Variants in PALLD observed in about 807,000 individuals in gnomAD.
PALLD encodes the protein palladin, cytoskeletal associated protein.
PALLD carries 61 observed loss-of-function variants against 123.5 expected under a neutral mutation model. That is an observed-to-expected ratio of 0.49 (90% CI 0.40 to 0.61). The LOEUF (loss-of-function observed/expected upper bound fraction) is 0.61, where lower values mean the gene tolerates loss of function less well. Ranked by LOEUF, PALLD falls within the 20% of genes least tolerant of loss-of-function variation. The pLI is 0.00. For synonymous variants in PALLD, 465 were observed against 496.4 expected (o/e 0.94, Z 0.84); for missense variants, 1,273 against 1,377.0 (o/e 0.92, Z 1.20).
intron 10 of PALLD, among the ~76,000 whole-genome samples, chr4:168,886,214 GCATTAACAAT>G (rs1295811145): frequency 6.6e-6 from 1 of 151,964 alleles, no homozygotes; most frequent in Non-Finnish European, 1.5e-5. Flanking sequence ...ATGTCATCAG[GCATTAACAAT>G]CACTTACCTT....
intron 1 of PALLD, among the ~76,000 whole-genome samples, chr4:168,502,874 A>G (rs13150330): frequency 0.11 from 16,788 of 152,264 alleles, 1,188 homozygotes; most frequent in Non-Finnish European, 0.15. Flanking sequence ...ATTGCAGTCC[A>G]GGCCGGGAGA....
chr4:168,825,402 T>C (rs1341079011), intron 10 of PALLD, among the ~76,000 whole-genome samples: 1 of 152,222 alleles, frequency 6.6e-6, no homozygotes, highest in East Asian at 1.9e-4. Context: ...AGAAAACCTT[T>C]AACTTCAGCA....
chr4:168,508,650 A>G (rs1229875514), intron 1 of PALLD, among the ~76,000 whole-genome samples: 2 of 152,200 alleles, frequency 1.3e-5, no homozygotes, highest in Admixed American at 6.5e-5. Context: ...TCAGGCCATA[A>G]TAAATAAATA....
chr4:168,865,839 C>T (rs1299160479), intron 10 of PALLD, among the ~76,000 whole-genome samples: 1 of 152,266 alleles, frequency 6.6e-6, no homozygotes, highest in African/African-American at 2.4e-5. Context: ...AATAATCCTA[C>T]TATACTGCAA....
intron 2 of PALLD, among the ~76,000 whole-genome samples, chr4:168,611,387 T>C (rs371671097): frequency 3.9e-5 from 6 of 152,360 alleles, no homozygotes; most frequent in Middle Eastern, 3.4e-3. Context: ...TCTCTGATCC[T>C]GTGAGCTATG....
In PALLD at chr4:168,894,850, T is replaced by C. The variant is rs1754773899; in HGVS notation, c.2199+173T>C. ...CAGCTAATTTTTATTGAGCACATAC[T>C]ATGTTAAGTGACTGACAGAATTCTT... is the stretch of plus-strand genomic sequence containing the variant. On this transcript the variant is annotated intron_variant, in intron 12 of 21. Coordinates refer to ENST00000505667, the MANE Select transcript of PALLD (RefSeq NM_001166108.2). The C allele has an allele frequency of 3.0e-6, 3 of 997,628 alleles. No individual in the cohort carries two copies. The Admixed American group carries it at 7.5e-5, about 25-fold the overall frequency. The allele number at this position is 997,628 out of a possible 1,614,324, so 61.8% of individuals were successfully genotyped here.
In PALLD at chr4:168,903,825, C is replaced by G. The variant is rs863224382; in HGVS notation, c.2541C>G (p.Leu847=). ...ATCACTACACCATTCAAAGAGATCT[C>G]GATGGGACCTGCTCCCTCCATACCA... is the stretch of plus-strand genomic sequence containing the variant. ...KSDHYTIQRD[L]DGTCSLHTTA... Residue 847 remains leucine, a synonymous_variant, in exon 15 of 22, where the codon CTC becomes CTG. Coordinates refer to ENST00000505667, the MANE Select transcript of PALLD (RefSeq NM_001166108.2). 2 of 1,612,240 alleles carry G rather than the reference C, an allele frequency of 1.2e-6. No individual in the cohort carries two copies. The highest frequency in any genetic ancestry group is 1.7e-4 in the Middle Eastern group (1 of 6,054).
intron 10 of PALLD, among the ~76,000 whole-genome samples, chr4:168,819,495 C>A (rs1372077446): frequency 1.3e-5 from 2 of 152,186 alleles, no homozygotes; most frequent in African/African-American, 4.8e-5. Flanking sequence ...GGATCTCCTT[C>A]TAAAGCCCTG....
At chr4:168,838,853 G>A (rs12641626) in intron 10 of PALLD, among the ~76,000 whole-genome samples, 13,045 of 151,954 alleles carry the variant, frequency 0.086, 656 homozygotes, top group East Asian at 0.15. Context: ...GAAATGCTGT[G>A]ATGTTCCTAG....
intron 11 of PALLD, 160 bp from the exon 12 acceptor site, chr4:168,894,419 C>T: frequency 1.5e-6 from 1 of 661,384 alleles, no homozygotes; most frequent in Admixed American, 2.1e-5. Flanking sequence ...AAAGGTAGAA[C>T]AACTGAAGCA....
chr4:168,921,850 T>A (rs1183883028), intron 18 of PALLD, 109 bp downstream of exon 18: 1 of 893,112 alleles, frequency 1.1e-6, no homozygotes, highest in African/African-American at 1.7e-5. Context: ...ATTGAAAAAA[T>A]AGATTGTATC....
chr4:168,722,364 T>C (rs1203862812), intron 10 of PALLD, among the ~76,000 whole-genome samples: 1 of 152,176 alleles, frequency 6.6e-6, no homozygotes, highest in Admixed American at 6.6e-5. Context: ...CCAAATACTT[T>C]AAAGACCAAC....
chr4:168,543,134 C>T (rs1457735910), intron 2 of PALLD, among the ~76,000 whole-genome samples: 1 of 151,998 alleles, frequency 6.6e-6, no homozygotes, highest in Non-Finnish European at 1.5e-5. Context: ...CAGCTAGGAC[C>T]ACTTCCTAGC....
chr4:168,650,660 C>T (rs376202450), intron 2 of PALLD, among the ~76,000 whole-genome samples: 3 of 152,078 alleles, frequency 2.0e-5, no homozygotes, highest in African/African-American at 4.8e-5. Flanking sequence ...TAACAGCTTA[C>T]ACCAAATTAT....
chr4:168,697,854 A>G (rs967355927), intron 8 of PALLD, among the ~76,000 whole-genome samples: 1 of 152,242 alleles, frequency 6.6e-6, no homozygotes, highest in Non-Finnish European at 1.5e-5. Context: ...AATACCAGCA[A>G]TCTCATTGCT....
intron 10 of PALLD, among the ~76,000 whole-genome samples, chr4:168,718,038 C>T (rs1319753682): frequency 6.6e-6 from 1 of 152,110 alleles, no homozygotes; most frequent in East Asian, 1.9e-4. Flanking sequence ...ATGTTAACAC[C>T]CCATCAGATG....
chr4:168,655,689 A>G (rs1291302332), intron 2 of PALLD, among the ~76,000 whole-genome samples: 1 of 152,228 alleles, frequency 6.6e-6, no homozygotes, highest in African/African-American at 2.4e-5. Flanking sequence ...CTCTTCTTCC[A>G]TTCAGTTTTC....
Position 168,799,231 on chromosome 4 carries a change from T to C in PALLD, c.1964+87308T>C, listed in dbSNP as rs116609577. 4.7e-3 allele frequency among the ~76,000 whole-genome samples: 709 copies of C among 152,310 alleles called. 4 individuals are homozygous for C. The highest frequency in any genetic ancestry group is 5.2e-3 in the Non-Finnish European group (354 of 68,024). ...AACCACTGTTACAGATGCAAACTTT[T>C]AGGCTGTCAATCTTGTTTACCTATT... On this transcript the variant is annotated intron_variant, in intron 10 of 21. Transcript: ENST00000505667.
intron 10 of PALLD, among the ~76,000 whole-genome samples, chr4:168,836,617 G>T (rs140939572): frequency 6.6e-6 from 1 of 152,150 alleles, no homozygotes; most frequent in Admixed American, 6.5e-5. Context: ...ATTAGAGAAC[G>T]GGGATCAGGC....
Sources: gnomAD v4.1 joint callset for allele counts (sites outside exome capture counted in the v4.1 genomes callset) on GRCh38, gnomAD v4.1.1 for gene constraint, MANE v1.5 for transcripts, NCBI Gene and HGNC (gene_info 2026-07-23, HGNC 2026-07-21) for gene names.